Variants in SLC6A12 observed in about 807,000 individuals in gnomAD.
SLC6A12 encodes sodium- and chloride-dependent betaine transporter.
In SLC6A12, 50 loss-of-function variants were observed where a neutral mutation model predicts 73.3. The observed-to-expected ratio is 0.68, with a 90% CI of 0.54 to 0.86. SLC6A12 has a LOEUF of 0.86. Among genes scored for constraint, SLC6A12 ranks in the 40% least tolerant of loss-of-function variants. SLC6A12 has a pLI of 0.00. For synonymous variants in SLC6A12, 304 were observed against 309.2 expected (o/e 0.98, Z 0.18); for missense variants, 648 against 772.8 (o/e 0.84, Z 1.92).
At chr12:202,137 C>G (rs1940303836) in intron 5 of SLC6A12, among the ~76,000 whole-genome samples, 2 of 152,138 alleles carry the variant, frequency 1.3e-5, no homozygotes, top group African/African-American at 4.8e-5. Context: ...ACGGAATGCA[C>G]TCTCCCCGCT....
intron 14 of SLC6A12, 94 bp downstream of exon 14, chr12:193,183 G>T: frequency 1.1e-6 from 1 of 882,252 alleles, no homozygotes; most frequent in Non-Finnish European, 1.9e-6. Context: ...CTGGACAGGT[G>T]GGGAAAGAGC....
chr12:199,152 G>GGGGT, intron 7 of SLC6A12: 1 of 325,334 alleles, frequency 3.1e-6, no homozygotes, highest in Non-Finnish European at 6.0e-6. Flanking sequence ...GGAGGGTGGG[G>GGGGT]AGGGGAGGAG....
intron 10 of SLC6A12, among the ~76,000 whole-genome samples, chr12:197,102 C>T (rs55740490): frequency 0.2 from 15,836 of 77,490 alleles, 157 homozygotes; most frequent in East Asian, 0.28. Flanking sequence ...TCCATCCATC[C>T]ATCCATCCAT....
downstream of SLC6A12, among the ~76,000 whole-genome samples, chr12:187,589 CAAAAAAAAAAAAAAA>C (rs761187495): frequency 5.4e-4 from 57 of 106,024 alleles, no homozygotes; most frequent in Middle Eastern, 9.0e-3. Flanking sequence ...TGCAAAAGAG[CAAAAAAAAAAAAAAA>C]AAAAAAAAAA....
intron 2 of SLC6A12, among the ~76,000 whole-genome samples, chr12:211,701 G>A (rs1011824676): frequency 6.6e-6 from 1 of 152,112 alleles, no homozygotes; most frequent in African/African-American, 2.4e-5. Flanking sequence ...AAATGACCCT[G>A]GAATCATCAC....
At chr12:206,282 T>TC (rs1270179368) in intron 3 of SLC6A12, among the ~76,000 whole-genome samples, 1 of 152,190 alleles carries the variant, frequency 6.6e-6, no homozygotes, top group African/African-American at 2.4e-5. Context: ...CTACTTTCTG[T>TC]TTCTATGCAT....
At chr12:212,999 A>G (rs577201640) in intron 1 of SLC6A12, among the ~76,000 whole-genome samples, 5 of 152,182 alleles carry the variant, frequency 3.3e-5, no homozygotes, top group Admixed American at 6.5e-5. Context: ...CAAATCTTCA[A>G]GAGACTAGAA....
At chr12:211,861 T>C (rs963701520) in intron 2 of SLC6A12, among the ~76,000 whole-genome samples, 165 bp downstream of exon 2, 2 of 152,228 alleles carry the variant, frequency 1.3e-5, no homozygotes, top group African/African-American at 2.4e-5. Flanking sequence ...ACAGGCACTC[T>C]TTCTACGTAT....
chr12:187,590 A>AGC (rs1939454833), downstream of SLC6A12, among the ~76,000 whole-genome samples: 3 of 3,872 alleles, frequency 7.7e-4, no homozygotes, highest in African/African-American at 1.1e-3. Flanking sequence ...GCAAAAGAGC[A>AGC]AAAAAAAAAA....
chr12:202,722 G>A lies in SLC6A12; in HGVS notation c.490+18C>T. The A allele has an allele frequency of 1.2e-6, 2 of 1,610,062 alleles. No individual in the cohort carries two copies. The highest frequency in any genetic ancestry group is 1.7e-6 in the Non-Finnish European group (2 of 1,177,666). ...AGCCCCTAACAGGCAACATCCCAGG[G>A]GCTGAAATGATGGATACCTGTGTTC... On this transcript the variant is annotated intron_variant, in intron 5 of 15. Coordinates refer to ENST00000684302, the MANE Select transcript of SLC6A12 (RefSeq NM_001122848.3).
chr12:195,844 G>A (rs1249151159), intron 12 of SLC6A12, among the ~76,000 whole-genome samples: 1 of 152,138 alleles, frequency 6.6e-6, no homozygotes, highest in Non-Finnish European at 1.5e-5. Context: ...AGAGCAGCTG[G>A]ATCCAACCAC....
downstream of SLC6A12, among the ~76,000 whole-genome samples, chr12:186,122 G>T (rs948057271): frequency 6.6e-6 from 1 of 152,154 alleles, no homozygotes; most frequent in African/African-American, 2.4e-5. Flanking sequence ...GAGGCAGGAG[G>T]CTCAGGCAGA....
chr12:188,555 G>A (rs1939485464), downstream of SLC6A12, among the ~76,000 whole-genome samples: 1 of 152,234 alleles, frequency 6.6e-6, no homozygotes, highest in South Asian at 2.1e-4. Flanking sequence ...GGCTCCTCAA[G>A]CGCAGCCAGA....
intron 7 of SLC6A12, 41 bp downstream of exon 7, chr12:200,610 T>C (rs1940204118): frequency 6.2e-7 from 1 of 1,604,388 alleles, no homozygotes; most frequent in African/African-American, 1.3e-5. Flanking sequence ...CCGTAGACTC[T>C]GGGGGCCAAA....
rs775925717 is a variant in SLC6A12 at position 204,552 on chromosome 12, G to A, written c.349+12C>T. 2 of 1,613,644 alleles carry A rather than the reference G, an allele frequency of 1.2e-6. No homozygotes were observed. Among genetic ancestry groups the A allele is most frequent in the African/African-American group, 1.3e-5 (1 of 74,936 alleles). On this transcript the variant is annotated intron_variant, in intron 4 of 15. Coordinates refer to ENST00000684302, the MANE Select transcript of SLC6A12 (RefSeq NM_001122848.3). ...CGGCCCCATGAAGGGGAAGGTGGGG[G>A]AGGATACATACCCTGGAAGAGGGGG... is the stretch of plus-strand genomic sequence containing the variant.
intron 6 of SLC6A12, chr12:201,139 A>C: frequency 4.7e-6 from 1 of 213,826 alleles, no homozygotes; most frequent in Non-Finnish European, 9.3e-6. Flanking sequence ...GTTAGTTTCT[A>C]AACATGTGAT....
chr12:198,911 C>T lies in SLC6A12; in HGVS notation c.732G>A (p.Thr244=), dbSNP rs74057609. The T allele has an allele frequency of 5.0e-6, 8 of 1,614,016 alleles. No individual in the cohort carries two copies. Among genetic ancestry groups the T allele is most frequent in the African/African-American group, 2.7e-5 (2 of 74,906 alleles). The part of the protein sequence containing the change: ...STGKVVYFTA[T]FPYLMLVILL... ...AAATGACAAGCATCAGGTACGGAAA[C>T]GTGGCTGTGAAATAAACCACCTGGA... Residue 244 remains threonine (T), a synonymous_variant, in exon 8 of 16, where the codon ACG becomes ACA. Coordinates refer to ENST00000684302, the MANE Select transcript of SLC6A12 (RefSeq NM_001122848.3). The surrounding 1 kb of genome is among the most constrained non-coding windows in gnomAD (Gnocchi z 4.0).
chr12:209,580 G>A (rs75417485), intron 3 of SLC6A12, 193 bp downstream of exon 3: 14,414 of 620,900 alleles, frequency 0.023, 619 homozygotes, highest in South Asian at 0.11. Flanking sequence ...GTCACCCTGG[G>A]AGGTATTGTC....
At chr12:211,811 A>G (rs760603592) in intron 2 of SLC6A12, among the ~76,000 whole-genome samples, 32 of 152,228 alleles carry the variant, frequency 2.1e-4, no homozygotes, top group Non-Finnish European at 3.8e-4. Context: ...GTTAATGATA[A>G]TAACAACAGG....
Sources: gnomAD v4.1 joint callset for allele counts (sites outside exome capture counted in the v4.1 genomes callset) on GRCh38, gnomAD v4.1.1 for gene constraint, Gnocchi (gnomAD v3.1) non-coding constraint, MANE v1.5 for transcripts, NCBI Gene and HGNC (gene_info 2026-07-23, HGNC 2026-07-21) for gene names.